Variants in SLC18B1 observed in about 807,000 individuals in gnomAD.
SLC18B1 encodes the protein solute carrier family 18 member B1.
SLC18B1 carries 62 observed loss-of-function variants against 53.9 expected under a neutral mutation model. The observed-to-expected ratio is 1.15, with a 90% CI of 0.94 to 1.42. SLC18B1 has a LOEUF of 1.42. Among genes scored for constraint, SLC18B1 ranks in the 40% most tolerant of loss-of-function variants. The probability of loss-of-function intolerance (pLI) is 0.00; values close to 1 mark genes in which losing one functional copy is unlikely to be tolerated. For missense variants in SLC18B1, 598 were observed against 547.3 expected (o/e 1.09, Z -0.93); for synonymous variants, 217 against 200.9 (o/e 1.08, Z -0.68).
In SLC18B1 at chr6:132,789,953, A is replaced by G. The variant is rs1406543991; in HGVS notation, c.280-116T>C. ...ATAGGGGAAGACATGTACAGTTAAT[A>G]TATTATAATAATTCTTTAATATGGT... On this transcript the variant is annotated intron_variant, in intron 3 of 13. Transcript: ENST00000275227. The G allele has an allele frequency of 4.3e-6, 3 of 701,784 alleles. No individual in the cohort carries two copies. The African/African-American group carries it at 5.4e-5, about 13-fold the overall frequency. The allele number at this position is 701,784 out of a possible 1,614,324, so 43.5% of individuals were successfully genotyped here. A position where few individuals can be genotyped will look rare whatever the true frequency, so the allele number is the denominator to read the frequency against.
intron 2 of SLC18B1, 44 bp downstream of exon 2, chr6:132,796,938 A>T: frequency 6.4e-7 from 1 of 1,557,510 alleles, no homozygotes; most frequent in Non-Finnish European, 8.6e-7. Flanking sequence ...TAAAAAACAA[A>T]CAAACAAAAA....
intron 7 of SLC18B1, among the ~76,000 whole-genome samples, chr6:132,778,042 G>T (rs921690074): frequency 2.0e-5 from 3 of 152,112 alleles, no homozygotes; most frequent in African/African-American, 7.2e-5. Flanking sequence ...ACAGGCTTTG[G>T]GTAGGTAATG....
intron 2 of SLC18B1, among the ~76,000 whole-genome samples, chr6:132,792,295 G>GAAA (rs1562271508): frequency 1.3e-5 from 1 of 75,236 alleles, no homozygotes; most frequent in Non-Finnish European, 2.5e-5. Context: ...AAGAAAGGAA[G>GAAA]GAAGGAAGGA....
At chr6:132,784,746 A>G (rs973134709) in intron 5 of SLC18B1, among the ~76,000 whole-genome samples, 1 of 152,230 alleles carries the variant, frequency 6.6e-6, no homozygotes, top group Non-Finnish European at 1.5e-5. Flanking sequence ...ACATGCAGAT[A>G]TGACATGGTA....
chr6:132,783,296 C>A (rs908684181), intron 6 of SLC18B1, among the ~76,000 whole-genome samples: 1 of 152,072 alleles, frequency 6.6e-6, no homozygotes, highest in Non-Finnish European at 1.5e-5. Flanking sequence ...CATGCCTCAG[C>A]CTTCTGAGTA....
intron 7 of SLC18B1, among the ~76,000 whole-genome samples, chr6:132,778,508 A>G (rs1028665717): frequency 2.6e-5 from 4 of 152,244 alleles, no homozygotes; most frequent in Non-Finnish European, 4.4e-5. Flanking sequence ...ATGTTCAGAA[A>G]GCATTGGAAA....
chr6:132,779,117 G>A (rs1378264990), intron 7 of SLC18B1, 151 bp downstream of exon 7: 5 of 728,792 alleles, frequency 6.9e-6, no homozygotes, highest in Non-Finnish European at 1.0e-5. Context: ...TCACAGGGAC[G>A]GTAGAGAGGG....
chr6:132,783,527 T>A (rs1164384428), intron 6 of SLC18B1, among the ~76,000 whole-genome samples: 1 of 152,166 alleles, frequency 6.6e-6, no homozygotes, highest in Non-Finnish European at 1.5e-5. Context: ...TGAATCTACG[T>A]CCTTGTATCT....
chr6:132,797,665 G>A (rs759234651), intron 1 of SLC18B1, among the ~76,000 whole-genome samples: 15 of 152,150 alleles, frequency 9.9e-5, no homozygotes, highest in Non-Finnish European at 2.1e-4. Flanking sequence ...TTCTAAGGCA[G>A]TATTGAAGTC....
At chr6:132,774,505 G>A (rs1781053030) in intron 8 of SLC18B1, among the ~76,000 whole-genome samples, 192 bp from the exon 9 acceptor site, 1 of 152,140 alleles carries the variant, frequency 6.6e-6, no homozygotes, top group African/African-American at 2.4e-5. Context: ...TATATAACAA[G>A]GCAGAAAGTG....
At chr6:132,794,980 C>T (rs375677207) in intron 2 of SLC18B1, among the ~76,000 whole-genome samples, 12 of 152,036 alleles carry the variant, frequency 7.9e-5, no homozygotes, top group Admixed American at 2.0e-4. Flanking sequence ...CTTTCAGCCT[C>T]GATGACAGAG....
At chr6:132,785,111 C>G (rs969229377) in intron 5 of SLC18B1, among the ~76,000 whole-genome samples, 3 of 146,724 alleles carry the variant, frequency 2.0e-5, no homozygotes, top group East Asian at 4.0e-4. Flanking sequence ...TGCTCTCTCT[C>G]TCTCTCAGTG....
At chr6:132,793,553 G>C (rs1343770678) in intron 2 of SLC18B1, among the ~76,000 whole-genome samples, 2 of 152,204 alleles carry the variant, frequency 1.3e-5, no homozygotes, top group Non-Finnish European at 2.9e-5. Flanking sequence ...TGGGAGGGAT[G>C]AGTTGAAGAC....
rs1469409333 is a variant in SLC18B1, at chr6:132,798,464, G to C, written c.-8C>G. The C allele has an allele frequency of 3.3e-6, 5 of 1,514,060 alleles. No homozygotes were observed. In the African/African-American group the frequency reaches 5.6e-5, roughly 17 times the overall value. The allele number at this position is 1,514,060 out of a possible 1,614,324, so 93.8% of individuals were successfully genotyped here. Reference sequence around the variant, plus strand: ...GTCACCCAGCGCCTCCATCCCCGGTGCGTGGACTCCGGCGCCCCAGCTCCC... The same window carrying C: ...GTCACCCAGCGCCTCCATCCCCGGTCCGTGGACTCCGGCGCCCCAGCTCCC... On this transcript the variant is annotated 5_prime_UTR_variant, in exon 1 of 14. Coordinates refer to ENST00000275227, the MANE Select transcript of SLC18B1 (RefSeq NM_052831.3).
chr6:132,789,001 T>C (rs997137982), intron 4 of SLC18B1, among the ~76,000 whole-genome samples: 1 of 151,820 alleles, frequency 6.6e-6, no homozygotes, highest in African/African-American at 2.4e-5. Flanking sequence ...TTTCATTTAA[T>C]ATAACAGTTT....
At chr6:132,777,359 C>T (rs1327947911) in intron 7 of SLC18B1, among the ~76,000 whole-genome samples, 1 of 152,088 alleles carries the variant, frequency 6.6e-6, no homozygotes, top group East Asian at 1.9e-4. Context: ...TCCTGTCTTC[C>T]TCATCACTTA....
chr6:132,788,460 C>A (rs560968612), intron 4 of SLC18B1, among the ~76,000 whole-genome samples: 6 of 152,028 alleles, frequency 3.9e-5, no homozygotes, highest in Non-Finnish European at 7.4e-5. Context: ...ATAATGACAG[C>A]TTAGTTGCCC....
intron 6 of SLC18B1, among the ~76,000 whole-genome samples, chr6:132,783,202 A>G (rs747666326): frequency 6.6e-6 from 1 of 151,896 alleles, no homozygotes; most frequent in African/African-American, 2.4e-5. Flanking sequence ...GGGGTGGAAG[A>G]GTCTCGCTCT....
intron 2 of SLC18B1, among the ~76,000 whole-genome samples, chr6:132,793,689 C>T (rs560801463): frequency 3.9e-5 from 6 of 152,128 alleles, no homozygotes; most frequent in African/African-American, 1.4e-4. Flanking sequence ...TGTGATTATG[C>T]GTTTATAAAC....
Sources: allele counts gnomAD v4.1 joint callset (sites outside exome capture counted in the v4.1 genomes callset), GRCh38; gene constraint gnomAD v4.1.1; transcripts MANE v1.5; gene names NCBI Gene and HGNC (gene_info 2026-07-23, HGNC 2026-07-21).